SRGAP2B: variants seen among roughly 807,000 people sequenced by gnomAD.
SRGAP2B encodes SLIT-ROBO Rho GTPase activating protein 2B.
A neutral mutation model predicts 22.2 loss-of-function variants in SRGAP2B; 9 were observed. That is an observed-to-expected ratio of 0.41 (90% confidence interval 0.24 to 0.71). The LOEUF (loss-of-function observed/expected upper bound fraction) is 0.71. Among genes scored for constraint, SRGAP2B ranks in the 30% least tolerant of loss-of-function variants. SRGAP2B has a pLI of 0.35. For synonymous variants in SRGAP2B, 36 were observed against 87.4 expected (o/e 0.41, Z 3.28); for missense variants, 114 against 235.8 (o/e 0.48, Z 3.38).
chr1:144,925,740 A>AAAGAAAGAAAG (rs1664650802), intron 4 of SRGAP2B, among the ~76,000 whole-genome samples: 3 of 105,680 alleles, frequency 2.8e-5, no homozygotes, highest in Non-Finnish European at 6.1e-5. Context: ...AGAAAGAAAG[A>AAAGAAAGAAAG]AAGAAAGAAA....
intron 3 of SRGAP2B, among the ~76,000 whole-genome samples, chr1:144,980,934 T>TC (rs1669283056): frequency 7.0e-6 from 1 of 143,660 alleles, no homozygotes; most frequent in Admixed American, 7.0e-5. Context: ...TCCTGAGTAC[T>TC]CCACCTTTCT....
chr1:144,976,040 A>T (rs587667999), intron 3 of SRGAP2B, among the ~76,000 whole-genome samples: 4,025 of 142,466 alleles, frequency 0.028, 373 homozygotes, highest in African/African-American at 0.1. Context: ...TGCCCGGCTA[A>T]TTTTTTTTTT....
chr1:145,067,011 G>A lies in SRGAP2B; in HGVS notation c.67+25824C>T, dbSNP rs1327703843. The stretch of plus-strand genomic sequence containing the variant: ...ATTTTTAAAATTAGGAAACGAGGCC[G>A]GGCATGATGACTTACATCTGTACTC... On this transcript the variant is annotated intron_variant, in intron 2 of 9. Transcript: ENST00000612199. 3.6e-4 allele frequency among the ~76,000 whole-genome samples: 53 copies of A among 147,638 alleles called. No homozygotes were observed. In the East Asian group the frequency reaches 7.6e-3, roughly 21 times the overall value.
chr1:144,942,630 G>A (rs1405341856), intron 4 of SRGAP2B, among the ~76,000 whole-genome samples: 7 of 149,408 alleles, frequency 4.7e-5, no homozygotes, highest in Non-Finnish European at 3.0e-5. Flanking sequence ...ATGTTGGTCA[G>A]GCTGGTCTCA....
At chr1:145,094,144 C>T (rs1571185548) in intron 1 of SRGAP2B, among the ~76,000 whole-genome samples, 1 of 76,804 alleles carries the variant, frequency 1.3e-5, no homozygotes, top group Non-Finnish European at 2.4e-5. Flanking sequence ...AATGCCACCC[C>T]CAATATTTTT....
At chr1:144,928,499 G>A (rs1384092745) in intron 4 of SRGAP2B, among the ~76,000 whole-genome samples, 12 of 131,492 alleles carry the variant, frequency 9.1e-5, no homozygotes, top group South Asian at 2.4e-4. Context: ...GTGCAGTGGC[G>A]CGATCTCTGC....
Position 144,995,840 on chromosome 1 carries a change from G to A in SRGAP2B, c.68-640C>T, listed in dbSNP as rs1479106984. On this transcript the variant is annotated intron_variant, in intron 2 of 9. Coordinates refer to ENST00000612199, the Ensembl canonical transcript of SRGAP2B. The stretch of plus-strand genomic sequence containing the variant: ...AAACAAAAGAAGCACAAGAACTTCT[G>A]GGCAGGCAAACCATTCACTGTCAAT... 4.0e-5 allele frequency among the ~76,000 whole-genome samples: 6 copies of A among 151,158 alleles called. No individual in the cohort carries two copies. In the East Asian group the frequency reaches 9.7e-4, roughly 24 times the overall value.
At chr1:144,940,352 A>G (rs4845002) in intron 4 of SRGAP2B, among the ~76,000 whole-genome samples, 6 of 130,554 alleles carry the variant, frequency 4.6e-5, no homozygotes, top group Middle Eastern at 3.9e-3. Context: ...AGGGGGAAAA[A>G]CCCTCTCTCC....
chr1:144,905,562 C>A (rs1464752393), intron 6 of SRGAP2B, among the ~76,000 whole-genome samples: 1 of 148,492 alleles, frequency 6.7e-6, no homozygotes, highest in Non-Finnish European at 1.5e-5. Flanking sequence ...ACAGTCACCC[C>A]CAACCCCTCC....
chr1:145,017,284 T>A (rs1553623378), intron 2 of SRGAP2B, among the ~76,000 whole-genome samples: 1 of 150,384 alleles, frequency 6.6e-6, no homozygotes, highest in African/African-American at 2.5e-5. Flanking sequence ...ATAAAAAAAA[T>A]GGTTTTAAAT....
At chr1:144,924,608 T>C (rs1297491076) in intron 4 of SRGAP2B, among the ~76,000 whole-genome samples, 1 of 151,222 alleles carries the variant, frequency 6.6e-6, no homozygotes, top group African/African-American at 2.4e-5. Flanking sequence ...GGCGGGCGCC[T>C]GTAGTCCCAG....
chr1:144,908,265 G>A (rs1225817910), intron 5 of SRGAP2B, among the ~76,000 whole-genome samples: 4 of 150,246 alleles, frequency 2.7e-5, no homozygotes, highest in East Asian at 1.9e-4. Context: ...AAGAGAAAAC[G>A]TTATGAATAA....
At chr1:144,970,755 A>C (rs1668449205) in intron 3 of SRGAP2B, among the ~76,000 whole-genome samples, 1 of 150,184 alleles carries the variant, frequency 6.7e-6, no homozygotes. Context: ...TGTCTTAAAC[A>C]AAAATGAATA....
chr1:144,924,731 C>CAA (rs1156257790), intron 4 of SRGAP2B, among the ~76,000 whole-genome samples: 591 of 58,144 alleles, frequency 0.01, 8 homozygotes, highest in African/African-American at 0.029. Context: ...AACTCCGTCT[C>CAA]AAAAAAAAAA....
chr1:144,952,510 T>A (rs587686723), intron 4 of SRGAP2B, among the ~76,000 whole-genome samples: 1 of 150,462 alleles, frequency 6.6e-6, no homozygotes, highest in African/African-American at 2.5e-5. Flanking sequence ...CAATTTTTTT[T>A]TTTTTAGGAG....
At chr1:144,923,343 A>C (rs1664393078) in intron 4 of SRGAP2B, among the ~76,000 whole-genome samples, 1 of 150,582 alleles carries the variant, frequency 6.6e-6, no homozygotes, top group South Asian at 2.1e-4. Flanking sequence ...CTGGGGGCGT[A>C]ATGTCTTCAG....
intron 2 of SRGAP2B, among the ~76,000 whole-genome samples, chr1:145,083,377 GATTAAT>G (rs1553634987): frequency 1.1e-5 from 1 of 91,928 alleles, no homozygotes. Context: ...AGTGGGAAGT[GATTAAT>G]ATTAACAGTC....
Position 145,089,026 on chromosome 1 carries a change from G to A in SRGAP2B, c.67+3809C>T, listed in dbSNP as rs1338968885. Among the ~76,000 whole-genome samples, 23 of 150,612 alleles carry A rather than the reference G, an allele frequency of 1.5e-4. No homozygotes were observed. In the East Asian group the frequency reaches 3.8e-3, roughly 25 times the overall value. ...ATTTACACTGTATTAGGTATTATAA[G>A]TAATCTAGAGATGATTTAAAGTATA... On this transcript the variant is annotated intron_variant, in intron 2 of 9. Transcript: ENST00000612199.
chr1:144,932,838 A>G (rs1665303546), intron 4 of SRGAP2B, among the ~76,000 whole-genome samples: 1 of 111,020 alleles, frequency 9.0e-6, no homozygotes. Flanking sequence ...GTTCTTTCCC[A>G]AGAACCAGAT....
Sources: gnomAD v4.1 joint callset for allele counts (sites outside exome capture counted in the v4.1 genomes callset) on GRCh38, gnomAD v4.1.1 for gene constraint, MANE v1.5 for transcripts, NCBI Gene and HGNC (gene_info 2026-07-23, HGNC 2026-07-21) for gene names.